The following FAM135A variants were observed in gnomAD, a reference collection of about 807,000 sequenced individuals.
FAM135A encodes family with sequence similarity 135 member A.
FAM135A carries 79 observed loss-of-function variants against 146.8 expected under a neutral mutation model. The ratio of observed to expected loss-of-function variants is 0.54; its 90% CI spans 0.45 to 0.65. The LOEUF (loss-of-function observed/expected upper bound fraction) is 0.65. FAM135A is among the 30% of genes least tolerant of loss of function. The pLI is 0.00. For missense variants in FAM135A, 1,623 were observed against 1,758.2 expected (o/e 0.92, Z 1.38); for synonymous variants, 562 against 603.6 (o/e 0.93, Z 1.01).
chr6:70,435,103 ATATATATTT>A (rs1448535166), intron 4 of FAM135A, among the ~76,000 whole-genome samples: 12 of 104,630 alleles, frequency 1.1e-4, no homozygotes, highest in African/African-American at 4.0e-4. Flanking sequence ...ATATATATAT[ATATATATTT>A]TTTTTTTTTT....
At chr6:70,555,547 C>G (rs1475006613) in intron 20 of FAM135A, among the ~76,000 whole-genome samples, 1 of 152,120 alleles carries the variant, frequency 6.6e-6, no homozygotes, top group Non-Finnish European at 1.5e-5. Flanking sequence ...GCCACCTCGC[C>G]CAGCCTGGAA....
chr6:70,466,916 T>C (rs573627419), intron 5 of FAM135A, among the ~76,000 whole-genome samples: 25 of 152,316 alleles, frequency 1.6e-4, no homozygotes, highest in African/African-American at 4.1e-4. Context: ...CCGAACTACA[T>C]TGGTCACTGT....
chr6:70,414,927 G>C (rs1299495280), intron 1 of FAM135A, among the ~76,000 whole-genome samples: 2 of 152,150 alleles, frequency 1.3e-5, no homozygotes, highest in African/African-American at 4.8e-5. Context: ...AGCTGTCCAA[G>C]AACTAATCTT....
chr6:70,471,139 C>G (rs1350830829), intron 5 of FAM135A, among the ~76,000 whole-genome samples: 1 of 152,178 alleles, frequency 6.6e-6, no homozygotes, highest in African/African-American at 2.4e-5. Context: ...TTGTTTTTCT[C>G]CAGGCACATT....
At chr6:70,437,301 T>C (rs549729064) in intron 4 of FAM135A, among the ~76,000 whole-genome samples, 10 of 152,252 alleles carry the variant, frequency 6.6e-5, no homozygotes, top group African/African-American at 2.4e-4. Context: ...ACAGTAAGTA[T>C]AGACGTTTCT....
intron 21 of FAM135A, among the ~76,000 whole-genome samples, chr6:70,558,610 G>T (rs1801357823): frequency 6.6e-6 from 1 of 152,108 alleles, no homozygotes; most frequent in Non-Finnish European, 1.5e-5. Context: ...AGGACTCTGA[G>T]ACTAGCTTGG....
chr6:70,438,489 A>G (rs1286410964), intron 4 of FAM135A, among the ~76,000 whole-genome samples: 1 of 152,206 alleles, frequency 6.6e-6, no homozygotes, highest in South Asian at 2.1e-4. Flanking sequence ...TCTTTTGTCC[A>G]GCATATATCT....
chr6:70,538,842 TATATTATATTA>T lies in FAM135A; in HGVS notation c.4228+442_4228+452del, dbSNP rs1414457870. Among the ~76,000 whole-genome samples the T allele has an allele frequency of 1.0e-3, 148 of 145,794 alleles. 2 individuals carry two copies. The highest frequency in any genetic ancestry group is 3.6e-3 in the African/African-American group (141 of 39,184). ...TATATTATATTATATTATATTATAT[TATATTATATTA>T]TATTATATGGCTAGCAAGCATTTCT... is the stretch of plus-strand genomic sequence containing the variant. On this transcript the variant is annotated intron_variant, in intron 20 of 21. Transcript: ENST00000418814.
intron 10 of FAM135A, chr6:70,486,095 T>G: frequency 7.5e-7 from 1 of 1,326,818 alleles, no homozygotes; most frequent in Non-Finnish European, 1.1e-6. Flanking sequence ...TATTAACAAG[T>G]TGGAAAATTC....
At chr6:70,528,206 C>A in intron 15 of FAM135A, 86 bp from the exon 16 acceptor site, 2 of 1,310,682 alleles carry the variant, frequency 1.5e-6, no homozygotes, top group East Asian at 2.4e-5. Context: ...TGTTGGGTTT[C>A]CACTTCTACA....
At chr6:70,517,451 T>C (rs1465527819) in intron 12 of FAM135A, among the ~76,000 whole-genome samples, 1 of 148,714 alleles carries the variant, frequency 6.7e-6, no homozygotes, top group Admixed American at 6.7e-5. Flanking sequence ...GGAGTTTTGC[T>C]CTTGTCACCC....
intron 4 of FAM135A, among the ~76,000 whole-genome samples, chr6:70,449,061 C>G (rs1008254661): frequency 4.6e-5 from 7 of 152,162 alleles, no homozygotes; most frequent in African/African-American, 1.7e-4. Flanking sequence ...AGGTTTCTTC[C>G]CTCAAAATGG....
intron 4 of FAM135A, among the ~76,000 whole-genome samples, chr6:70,443,004 A>G (rs1451939659): frequency 6.6e-6 from 1 of 152,212 alleles, no homozygotes; most frequent in Admixed American, 6.5e-5. Context: ...TTAATACTAC[A>G]ATCTGCATAT....
At position 70,472,905 on chromosome 6, in the gene FAM135A, G is replaced by A. The variant is rs533034832; in HGVS notation, c.158-2505G>A. ...ATTAGGTGATACGTGGTTTCTATTTGTCCAATTCCTAATAATGTTAACTTG... is the reference window on the plus strand; with the variant it reads ...ATTAGGTGATACGTGGTTTCTATTTATCCAATTCCTAATAATGTTAACTTG... On this transcript the variant is annotated intron_variant, in intron 5 of 21. Transcript: ENST00000418814. 9.2e-5 allele frequency among the ~76,000 whole-genome samples: 14 copies of A among 152,222 alleles called. No individual in the cohort carries two copies. The South Asian group carries it at 1.0e-3, about 11-fold the overall frequency.
chr6:70,420,364 G>A (rs1581967993), intron 2 of FAM135A, among the ~76,000 whole-genome samples: 1 of 152,106 alleles, frequency 6.6e-6, no homozygotes, highest in South Asian at 2.1e-4. Context: ...CCTCTTTTAG[G>A]TTCTGAAGCA....
intron 20 of FAM135A, among the ~76,000 whole-genome samples, chr6:70,554,035 G>A (rs1227871683): frequency 6.6e-6 from 1 of 152,166 alleles, no homozygotes; most frequent in Admixed American, 6.5e-5. Context: ...TAGGCATAGT[G>A]CGTATTAAAG....
intron 7 of FAM135A, among the ~76,000 whole-genome samples, chr6:70,476,698 T>C (rs1341872595): frequency 6.6e-6 from 1 of 152,168 alleles, no homozygotes; most frequent in Non-Finnish European, 1.5e-5. Flanking sequence ...TAAGATATGT[T>C]TTACTTTTTA....
chr6:70,556,702 A>T, intron 20 of FAM135A, 48 bp from the exon 21 acceptor site: 1 of 1,275,436 alleles, frequency 7.8e-7, no homozygotes, highest in Non-Finnish European at 1.1e-6. Context: ...TAACTTGTTT[A>T]AAATCTAGTT....
At chr6:70,517,610 G>C (rs973997947) in intron 12 of FAM135A, among the ~76,000 whole-genome samples, 47 of 151,954 alleles carry the variant, frequency 3.1e-4, no homozygotes, top group African/African-American at 1.1e-3. Context: ...GTAGAGACAG[G>C]GTTTCACCGT....
Sources: allele counts gnomAD v4.1 joint callset (sites outside exome capture counted in the v4.1 genomes callset), GRCh38; gene constraint gnomAD v4.1.1; transcripts MANE v1.5; gene names NCBI Gene and HGNC (gene_info 2026-07-23, HGNC 2026-07-21).